Variants in MRPS27 observed in about 807,000 individuals in gnomAD.
MRPS27 encodes the protein mitochondrial ribosomal protein S27, also known as small ribosomal subunit protein mS27.
A neutral mutation model predicts 48.9 loss-of-function variants in MRPS27; 43 were observed. That is an observed-to-expected ratio of 0.88 (90% CI 0.69 to 1.13). MRPS27 has a LOEUF of 1.13. Ranked by LOEUF, MRPS27 falls within the 50% of genes most tolerant of loss-of-function variation. The pLI is 0.00. For missense variants in MRPS27, 467 were observed against 476.3 expected, an observed-to-expected ratio of 0.98 and a Z score of 0.18; for synonymous variants, 188 against 171.9, an observed-to-expected ratio of 1.09 and a Z score of -0.73.
chr5:72,317,754 C>G (rs750675750), intron 1 of MRPS27, among the ~76,000 whole-genome samples: 2 of 152,142 alleles, frequency 1.3e-5, no homozygotes, highest in Non-Finnish European at 2.9e-5. Context: ...GTGGCATGAT[C>G]TTGGCTCACT....
intron 4 of MRPS27, among the ~76,000 whole-genome samples, chr5:72,280,703 GCT>G (rs1320994869): frequency 1.7e-4 from 26 of 152,150 alleles, no homozygotes; most frequent in African/African-American, 6.3e-4. Context: ...TATTTCAATT[GCT>G]TACATGCTCC....
Position 72,228,282 on chromosome 5 carries a change from A to T in MRPS27, c.678T>A (p.Tyr226Ter). Residue 226 changes from tyrosine (Y) to a stop codon, truncating the protein, a stop_gained, in exon 8 of 11, where the codon TAT (tyrosine) becomes TAA (stop). Coordinates refer to ENST00000261413, the MANE Select transcript of MRPS27 (RefSeq NM_015084.3). LOFTEE classifies it high-confidence loss of function. ...KNSVGFSSQL[Y>*]GYALLGKVEL... ...TTAGCTTACCAAGAAGTGCATAGCC[A>T]TACAACTGGGAACTGAAACCCACTG... The T allele has an allele frequency of 6.2e-7, 1 of 1,613,098 alleles. No individual in the cohort carries two copies. Among genetic ancestry groups the T allele is most frequent in the Non-Finnish European group, 8.5e-7 (1 of 1,179,162 alleles).
At position 72,232,371 on chromosome 5, in the gene MRPS27, C is replaced by T. The variant is rs1269653920; in HGVS notation, c.591+72G>A. 7 of 1,132,978 alleles carry T rather than the reference C, an allele frequency of 6.2e-6. No homozygotes were observed. The African/African-American group carries it at 8.0e-5, about 13-fold the overall frequency. 70.2% of individuals were successfully genotyped at this position (1,132,978 alleles called of 1,614,324 possible). The stretch of plus-strand genomic sequence containing the variant: ...GCCACAGAGCTGCAGACACCTTTTT[C>T]CAGCTTTTGAGAGCAAGCCCCTGCT... On this transcript the variant is annotated intron_variant, in intron 7 of 10. Coordinates refer to ENST00000261413, the MANE Select transcript of MRPS27 (RefSeq NM_015084.3).
chr5:72,275,526 A>G (rs1208149245), intron 4 of MRPS27, among the ~76,000 whole-genome samples: 2 of 152,236 alleles, frequency 1.3e-5, no homozygotes. Context: ...TTAGAAAAAA[A>G]CTATTTTAAA....
At chr5:72,283,728 G>A (rs1488042002) in intron 4 of MRPS27, among the ~76,000 whole-genome samples, 16 of 151,420 alleles carry the variant, frequency 1.1e-4, no homozygotes, top group Admixed American at 3.3e-4. Flanking sequence ...AAATGTGTAC[G>A]TACAAAAAAA....
intron 4 of MRPS27, chr5:72,241,500 G>A (rs1297485827): frequency 1.4e-6 from 1 of 693,050 alleles, no homozygotes; most frequent in Non-Finnish European, 2.4e-6. Flanking sequence ...TCAAAACACT[G>A]GGCCAGCGGG....
At chr5:72,303,758 A>G (rs1750183195) in intron 2 of MRPS27, among the ~76,000 whole-genome samples, 1 of 151,920 alleles carries the variant, frequency 6.6e-6, no homozygotes, top group South Asian at 2.1e-4. Context: ...TTTAAAAAAT[A>G]AGGGCAAAAT....
At chr5:72,271,562 T>C (rs1230979787) in intron 4 of MRPS27, among the ~76,000 whole-genome samples, 1 of 152,164 alleles carries the variant, frequency 6.6e-6, no homozygotes, top group Non-Finnish European at 1.5e-5. Flanking sequence ...TAATGAGATA[T>C]GACAGGTAAA....
At chr5:72,280,400 A>G (rs1749504402) in intron 4 of MRPS27, among the ~76,000 whole-genome samples, 2 of 152,278 alleles carry the variant, frequency 1.3e-5, no homozygotes, top group East Asian at 1.9e-4. Context: ...TTTTTCCTTT[A>G]TAAGTATTTT....
At chr5:72,230,465 G>A (rs1164258849) in intron 7 of MRPS27, among the ~76,000 whole-genome samples, 2 of 152,104 alleles carry the variant, frequency 1.3e-5, no homozygotes, top group Non-Finnish European at 2.9e-5. Flanking sequence ...AGTGCCTCCC[G>A]TGCCACTAAT....
intron 5 of MRPS27, among the ~76,000 whole-genome samples, chr5:72,234,563 T>A (rs904843556): frequency 1.9e-4 from 29 of 152,082 alleles, no homozygotes; most frequent in African/African-American, 7.0e-4. Context: ...TGAATAACAA[T>A]ACAAAAACAG....
intron 2 of MRPS27, among the ~76,000 whole-genome samples, chr5:72,300,549 T>C (rs961697922): frequency 6.6e-6 from 1 of 152,230 alleles, no homozygotes; most frequent in Non-Finnish European, 1.5e-5. Flanking sequence ...CCTTCCACTT[T>C]CAATATGCTT....
At chr5:72,296,596 C>T (rs929675399) in intron 3 of MRPS27, among the ~76,000 whole-genome samples, 1 of 152,176 alleles carries the variant, frequency 6.6e-6, no homozygotes, top group Admixed American at 6.5e-5. Context: ...GGTATTATGG[C>T]ATACAGAAGT....
At chr5:72,282,293 A>C (rs909913718) in intron 4 of MRPS27, among the ~76,000 whole-genome samples, 1 of 152,190 alleles carries the variant, frequency 6.6e-6, no homozygotes, top group African/African-American at 2.4e-5. Flanking sequence ...TCTCTCCTTG[A>C]AGCTTCTGTT....
chr5:72,270,377 T>C (rs77727928), intron 4 of MRPS27, among the ~76,000 whole-genome samples: 9,673 of 151,434 alleles, frequency 0.064, 554 homozygotes, highest in African/African-American at 0.15. Flanking sequence ...CAAAAGAAAG[T>C]CCATGGAAGT....
intron 4 of MRPS27, among the ~76,000 whole-genome samples, chr5:72,243,104 G>A (rs974813637): frequency 6.6e-6 from 1 of 152,194 alleles, no homozygotes; most frequent in Admixed American, 6.5e-5. Context: ...CACGGAGCTG[G>A]GTAGACAGAG....
chr5:72,221,887 TGCTCCTGGAGAAGTAAGTATTAAAA>T (rs568319657), intron 10 of MRPS27, among the ~76,000 whole-genome samples: 36,810 of 152,164 alleles, frequency 0.24, 5,754 homozygotes, highest in Non-Finnish European at 0.35. Flanking sequence ...GTTGGTGTTG[TGCTCCTGGAGAAGTAAGTATTAAAA>T]ACATTAATCT....
In MRPS27 at chr5:72,234,190, T is replaced by C. The variant is rs757620663; in HGVS notation, c.404A>G (p.Tyr135Cys). The C allele has an allele frequency of 7.3e-6, 11 of 1,499,368 alleles. No homozygotes were observed. Among genetic ancestry groups the C allele is most frequent in the East Asian group, 5.1e-5 (2 of 39,142 alleles). 92.9% of individuals were successfully genotyped at this position (1,499,368 alleles called of 1,614,324 possible). The change falls in exon 6 of 11, where the codon TAT (tyrosine) becomes TGT (cysteine). Residue 135 changes from tyrosine to cysteine, a missense_variant. Transcript: ENST00000261413. ...ALYTLVNKVQ[Y>C]GIFPDNFTFN... ...TGTAAAGTTATCTGGAAAAATTCCA[T>C]ATTGAACCTATAATGAAAATGAACA...
chr5:72,299,900 A>G (rs1362785675), intron 2 of MRPS27, among the ~76,000 whole-genome samples: 1 of 152,196 alleles, frequency 6.6e-6, no homozygotes, highest in Admixed American at 6.5e-5. Context: ...TCCTTCTAGC[A>G]TCATGTCTAC....
Sources: allele counts gnomAD v4.1 joint callset (sites outside exome capture counted in the v4.1 genomes callset), GRCh38; gene constraint gnomAD v4.1.1; transcripts MANE v1.5; gene names NCBI Gene and HGNC (gene_info 2026-07-23, HGNC 2026-07-21).